Variants in DHFR2 observed in about 807,000 individuals in gnomAD.
The protein encoded by DHFR2 is dihydrofolate reductase 2.
Under a neutral mutation model 12.0 loss-of-function variants are expected in DHFR2, and 11 were observed. That is an observed-to-expected ratio of 0.92 (90% CI 0.58 to 1.52). DHFR2 has a LOEUF of 1.52. Ranked by LOEUF, DHFR2 falls within the 40% of genes most tolerant of loss-of-function variation. The pLI, the probability that DHFR2 is intolerant of heterozygous loss-of-function variation, is 0.00. For missense variants in DHFR2, 188 were observed against 221.2 expected (o/e 0.85, Z 0.95); for synonymous variants, 87 against 79.6 (o/e 1.09, Z -0.49).
Position 94,060,842 on chromosome 3 carries a change from T to C in DHFR2, c.*106A>G. The C allele has an allele frequency of 5.6e-6, 7 of 1,261,206 alleles. No homozygotes were observed. Among genetic ancestry groups the C allele is most frequent in the Non-Finnish European group, 7.7e-6 (7 of 911,902 alleles). 78.1% of individuals were successfully genotyped at this position (1,261,206 alleles called of 1,614,324 possible). On this transcript the variant is annotated 3_prime_UTR_variant, in exon 2 of 2. Transcript: ENST00000314636. ...GGAATAAAAACACGTTGCTTAGAAA[T>C]AATTATCCATAGATCTGAAGTCAAC...
In DHFR2 at chr3:94,058,461, G is replaced by C. The variant is rs2077154991; in HGVS notation, c.*2487C>G. ...TCACATAACTACTTAGTCATTTCTT[G>C]ATTATGTTATACATTATATAGTGAT... On this transcript the variant is annotated 3_prime_UTR_variant, in exon 2 of 2. Coordinates refer to ENST00000314636, the MANE Select transcript of DHFR2 (RefSeq NM_176815.5). The C allele has an allele frequency of 6.6e-6, 1 of 152,040 alleles. No homozygotes were observed. Among genetic ancestry groups the C allele is most frequent in the Non-Finnish European group, 1.5e-5 (1 of 68,006 alleles). 9.4% of individuals were successfully genotyped at this position (152,040 alleles called of 1,614,324 possible). A position where few individuals can be genotyped will look rare whatever the true frequency, so the allele number is the denominator to read the frequency against.
upstream of DHFR2, chr3:94,063,244 C>A: frequency 1.8e-6 from 2 of 1,104,278 alleles, no homozygotes; most frequent in Non-Finnish European, 2.8e-6. Flanking sequence ...CACCTTTGTT[C>A]GTCCCCTCGC....
chr3:94,063,046 C>A, upstream of DHFR2: 1 of 1,513,774 alleles, frequency 6.6e-7, no homozygotes, highest in South Asian at 1.1e-5. Context: ...TCCCGGAAGT[C>A]AGACTGTTTT....
chr3:94,061,359 C>G lies in DHFR2; in HGVS notation c.153G>C (p.Val51=), dbSNP rs2077173161. ...AGAACCAGGTCTTCCTACCCATAAT[C>G]ACCAGATTCTGTTTACCCTCTACTG... ...TSSVEGKQNL[V]IMGRKTWFSI... is the part of the protein sequence containing the mutation. Residue 51 remains valine, a synonymous_variant, in exon 2 of 2, where the codon GTG becomes GTC. Transcript: ENST00000314636. 6.2e-7 allele frequency: 1 copy of G among 1,614,160 alleles called. No individual in the cohort carries two copies. Among genetic ancestry groups the G allele is most frequent in the Middle Eastern group, 1.7e-4 (1 of 6,060 alleles).
In DHFR2 at chr3:94,059,534, C is replaced by T. The variant is rs1023993650; in HGVS notation, c.*1414G>A. The T allele has an allele frequency of 6.6e-6, 1 of 152,156 alleles. No homozygotes were observed. The highest frequency in any genetic ancestry group is 2.4e-5 in the African/African-American group (1 of 41,436). 9.4% of individuals were successfully genotyped at this position (152,156 alleles called of 1,614,324 possible). ...TTCTCTCTCTACTTCTTTCATTTCT[C>T]AAAGGCATCTCAAACTCAGTGGGCC... On this transcript the variant is annotated 3_prime_UTR_variant, in exon 2 of 2. Transcript: ENST00000314636.
In DHFR2 at chr3:94,061,433, G is replaced by T; in HGVS notation, c.79C>A (p.Pro27Thr). 6.2e-7 allele frequency: 1 copy of T among 1,614,162 alleles called. No individual in the cohort carries two copies. ...IGKNGDLPRP[P>T]LRNEFRYFQR... ...AAATACCTGAATTCATTCCTGAGCG[G>T]CGGCCTGGGCAGGTCCCCGTTCTTG... is the stretch of plus-strand genomic sequence containing the variant. Residue 27 changes from proline (P) to threonine (T), a missense_variant, in exon 2 of 2, where the codon CCG becomes ACG. Transcript: ENST00000314636.
At position 94,061,584 on chromosome 3, in the gene DHFR2, C is replaced by G. The variant is rs948944346; in HGVS notation, c.-73G>C. ...CAGGCCAAGAATGCCGCGAAATTCC[C>G]TTCTTCAAATTTTTTTACGTGCCTA... On this transcript the variant is annotated 5_prime_UTR_variant, in exon 2 of 2. Coordinates refer to ENST00000314636, the MANE Select transcript of DHFR2 (RefSeq NM_176815.5). 5.1e-5 allele frequency: 81 copies of G among 1,592,822 alleles called. No homozygotes were observed. The highest frequency in any genetic ancestry group is 1.8e-4 in the Middle Eastern group (1 of 5,524).
At chr3:94,062,988 G>A, upstream of DHFR2, 1 of 908,884 alleles carries the variant, frequency 1.1e-6, no homozygotes, top group Non-Finnish European at 1.8e-6. Context: ...TCAGTATCTC[G>A]CGAGAAATTG....
At chr3:94,062,231 G>C (rs1436895040) in intron 1 of DHFR2, among the ~76,000 whole-genome samples, 2 of 152,116 alleles carry the variant, frequency 1.3e-5, no homozygotes, top group East Asian at 3.9e-4. Context: ...AGAGTGGAGG[G>C]TCCTTTTGGT....
upstream of DHFR2, chr3:94,063,190 A>G (rs548771238): frequency 1.9e-6 from 3 of 1,604,850 alleles, no homozygotes; most frequent in Non-Finnish European, 2.6e-6. Context: ...ACGCTTCTGG[A>G]CGCGGCCGAG....
rs760524688 is a variant in DHFR2 at position 94,061,548 on chromosome 3, C to T, written c.-37G>A. On this transcript the variant is annotated 5_prime_UTR_variant, in exon 2 of 2. Transcript: ENST00000314636. ...TTAACACCTCCGAACTTGCTGGCTA[C>T]GCCAGGAAGCCAGGCCAAGAATGCC... is the stretch of plus-strand genomic sequence containing the variant. 17 of 1,610,042 alleles carry T rather than the reference C, an allele frequency of 1.1e-5. No homozygotes were observed. The East Asian group carries it at 3.1e-4, about 30-fold the overall frequency.
At chr3:94,062,500 A>G (rs985678466) in intron 1 of DHFR2, among the ~76,000 whole-genome samples, 2 of 152,194 alleles carry the variant, frequency 1.3e-5, no homozygotes, top group Admixed American at 6.5e-5. Context: ...AACAGGGGTC[A>G]CTAGATTTGG....
Position 94,061,191 on chromosome 3 carries a change from T to A in DHFR2, c.321A>T (p.Ala107=), listed in dbSNP as rs746314680. The change falls in exon 2 of 2, where the codon GCA becomes GCT. Residue 107 remains alanine, a synonymous_variant. Coordinates refer to ENST00000314636, the MANE Select transcript of DHFR2 (RefSeq NM_176815.5). ...ALKLTERPEL[A]NKVDMIWIVG... Reference sequence around the variant, plus strand: ...CTATCCAAATCATGTCTACTTTATTTGCTAATTCTGGTCGTTCAGTAAGTT... The same window carrying A: ...CTATCCAAATCATGTCTACTTTATTAGCTAATTCTGGTCGTTCAGTAAGTT... 3 of 1,614,046 alleles carry A rather than the reference T, an allele frequency of 1.9e-6. No individual in the cohort carries two copies. Among genetic ancestry groups the A allele is most frequent in the Non-Finnish European group, 2.5e-6 (3 of 1,179,882 alleles).
Position 94,060,603 on chromosome 3 carries a change from G to A in DHFR2, c.*345C>T. 1 of 246,238 alleles carries A rather than the reference G, an allele frequency of 4.1e-6. No homozygotes were observed. The highest frequency in any genetic ancestry group is 7.8e-6 in the Non-Finnish European group (1 of 128,088). 15.3% of individuals were successfully genotyped at this position (246,238 alleles called of 1,614,324 possible). ...TTTGGTATTTCCTACTAGTGAAACT[G>A]CTCAGCTGAAGGGTATGTGCATCTT... On this transcript the variant is annotated 3_prime_UTR_variant, in exon 2 of 2. Coordinates refer to ENST00000314636, the MANE Select transcript of DHFR2 (RefSeq NM_176815.5).
In DHFR2 at chr3:94,061,073, T is replaced by C. The variant is rs1285022182; in HGVS notation, c.439A>G (p.Thr147Ala). 1.2e-6 allele frequency: 2 copies of C among 1,613,940 alleles called. No homozygotes were observed. Among genetic ancestry groups the C allele is most frequent in the African/African-American group, 2.7e-5 (2 of 75,034 alleles). ...TRIMQDFESD[T>A]FFSEIDLEKY... ...TCCAAGTCAATTTCTGAAAAAAACG[T>C]GTCACTTTCAAAGTCCTGCATGATC... The change falls in exon 2 of 2, where the codon ACG becomes GCG. Residue 147 changes from threonine (T) to alanine (A), a missense_variant. Thr to Ala is a moderately conservative substitution (Grantham distance 58). Coordinates refer to ENST00000314636, the MANE Select transcript of DHFR2 (RefSeq NM_176815.5).
chr3:94,061,400 T>C lies in DHFR2; in HGVS notation c.112A>G (p.Met38Val). ...LRNEFRYFQR[M>V]TTTSSVEGKQ... ...CCCTCTACTGAAGAAGTTGTGGTCA[T>C]TCTCTGGAAATACCTGAATTCATTC... Residue 38 changes from methionine (M) to valine (V), a missense_variant, in exon 2 of 2, where the codon ATG (methionine) becomes GTG (valine). Physicochemically the swap from Met to Val is conservative, Grantham distance 21. Coordinates refer to ENST00000314636, the MANE Select transcript of DHFR2 (RefSeq NM_176815.5). 4 of 1,614,246 alleles carry C rather than the reference T, an allele frequency of 2.5e-6. No individual in the cohort carries two copies. The highest frequency in any genetic ancestry group is 3.4e-6 in the Non-Finnish European group (4 of 1,180,040).
chr3:94,060,062 GAAAAA>G lies in DHFR2; in HGVS notation c.*881_*885del, dbSNP rs79797915. The stretch of plus-strand genomic sequence containing the variant: ...CAAGAGTGAAATTCTGTCTTAAAAA[GAAAAA>G]AAAAAAAAAGTATGAAGAGTTTACA... On this transcript the variant is annotated 3_prime_UTR_variant, in exon 2 of 2. Transcript: ENST00000314636. The G allele has an allele frequency of 2.3e-5, 3 of 128,780 alleles. No homozygotes were observed. Among genetic ancestry groups the G allele is most frequent in the African/African-American group, 9.0e-5 (3 of 33,424 alleles). The allele number at this position is 128,780 out of a possible 1,614,324, so 8.0% of individuals were successfully genotyped here.
Position 94,061,022 on chromosome 3 carries a change from G to C in DHFR2, c.490C>G (p.Pro164Ala). 1 of 1,613,626 alleles carries C rather than the reference G, an allele frequency of 6.2e-7. No individual in the cohort carries two copies. The highest frequency in any genetic ancestry group is 8.5e-7 in the Non-Finnish European group (1 of 1,179,800). The change falls in exon 2 of 2, where the codon CCA (proline) becomes GCA (alanine). Residue 164 changes from proline (P) to alanine (A), a missense_variant. Physicochemically the swap from Pro to Ala is conservative, Grantham distance 27 (BLOSUM62 -1). Transcript: ENST00000314636. ...TCCTGGACATCAGAGAGAACACCTGGGTATTCAGGCAGAAGTTTATATTTC... is the reference window on the plus strand; with the variant it reads ...TCCTGGACATCAGAGAGAACACCTGCGTATTCAGGCAGAAGTTTATATTTC... ...LEKYKLLPEY[P>A]GVLSDVQEGK... is the part of the protein sequence containing the mutation.
rs1372525105 is a variant in DHFR2 at position 94,061,029 on chromosome 3, A to C, written c.483T>G (p.Pro161=). ...EIDLEKYKLL[P]EYPGVLSDVQ... ...CATCAGAGAGAACACCTGGGTATTC[A>C]GGCAGAAGTTTATATTTCTCCAAGT... The change falls in exon 2 of 2, where the codon CCT becomes CCG. Residue 161 remains proline, a synonymous_variant. Coordinates refer to ENST00000314636, the MANE Select transcript of DHFR2 (RefSeq NM_176815.5). The C allele has an allele frequency of 2.5e-6, 4 of 1,613,824 alleles. No homozygotes were observed. In the African/African-American group the frequency reaches 5.3e-5, roughly 22 times the overall value.
Sources: allele counts gnomAD v4.1 joint callset (sites outside exome capture counted in the v4.1 genomes callset), GRCh38; gene constraint gnomAD v4.1.1; transcripts MANE v1.5; gene names NCBI Gene and HGNC (gene_info 2026-07-23, HGNC 2026-07-21).